The following COG5 variants were observed in gnomAD, a reference collection of about 807,000 sequenced individuals.
The protein encoded by COG5 is conserved oligomeric Golgi complex subunit 5.
A neutral mutation model predicts 110.4 loss-of-function variants in COG5; 86 were observed. The ratio of observed to expected loss-of-function variants is 0.78; its 90% CI spans 0.65 to 0.93. The LOEUF is 0.93. COG5 is among the 40% of genes least tolerant of loss of function. The probability of loss-of-function intolerance (pLI) is 0.00; values close to 1 mark genes in which losing one functional copy is unlikely to be tolerated. For missense variants in COG5, 1,077 were observed against 987.0 expected, an observed-to-expected ratio of 1.09 and a Z score of -1.22; for synonymous variants, 360 against 334.6, an observed-to-expected ratio of 1.08 and a Z score of -0.83.
Position 107,415,899 on chromosome 7 carries a change from CACGTATGTATGTAT to C in COG5, c.539-3281_539-3268del, listed in dbSNP as rs1266233473. On this transcript the variant is annotated intron_variant, in intron 6 of 21. Transcript: ENST00000297135. ...ATGTGTGTGTATATACACACACATA[CACGTATGTATGTAT>C]GTGTGTGTATATACACACACATACA... Among the ~76,000 whole-genome samples, 2 of 116,284 alleles carry C rather than the reference CACGTATGTATGTAT, an allele frequency of 1.7e-5. 1 individual carries two copies. The highest frequency in any genetic ancestry group is 5.5e-4 in the East Asian group (2 of 3,638). 76.3% of individuals were successfully genotyped at this position (116,284 alleles called of 152,430 possible).
chr7:107,558,013 T>C lies in COG5; in HGVS notation c.197A>G (p.Gln66Arg). Residue 66 changes from glutamine (Q) to arginine (R), a missense_variant, in exon 2 of 22, where the codon CAA becomes CGA. Physicochemically the swap from Gln to Arg is conservative, Grantham distance 43. Coordinates refer to ENST00000297135, the MANE Select transcript of COG5 (RefSeq NM_006348.5). Reference sequence around the variant, plus strand: ...TTCTCTGTCCAACTGACTGATTCCTTGGGCAAGTTTTGCTAGTTGTTCAGC... The same window carrying C: ...TTCTCTGTCCAACTGACTGATTCCTCGGGCAAGTTTTGCTAGTTGTTCAGC... ...VIAEQLAKLA[Q>R]GISQLDRELH... 2 of 1,613,752 alleles carry C rather than the reference T, an allele frequency of 1.2e-6. No homozygotes were observed. Among genetic ancestry groups the C allele is most frequent in the Non-Finnish European group, 1.7e-6 (2 of 1,179,924 alleles).
chr7:107,548,159 T>G lies in COG5; in HGVS notation c.369A>C (p.Glu123Asp). The G allele has an allele frequency of 6.2e-7, 1 of 1,613,888 alleles. No homozygotes were observed. Among genetic ancestry groups the G allele is most frequent in the South Asian group, 1.1e-5 (1 of 91,072 alleles). The stretch of plus-strand genomic sequence containing the variant: ...TCCGGGCAACTATCTTATTGTATGG[T>G]TCAACAATTTTTGCTTTTATCCTAC... Reference protein sequence around the residue: ...AVDRIKAKIVEPYNKIVARTA... With the variant: ...AVDRIKAKIVDPYNKIVARTA... The change falls in exon 5 of 22, where the codon GAA becomes GAC. Residue 123 changes from glutamate (E) to aspartate (D), a missense_variant. Glu to Asp is a conservative substitution (Grantham distance 45). Coordinates refer to ENST00000297135, the MANE Select transcript of COG5 (RefSeq NM_006348.5).
chr7:107,313,024 T>C (rs1284184857), intron 11 of COG5, among the ~76,000 whole-genome samples: 1 of 152,130 alleles, frequency 6.6e-6, no homozygotes, highest in African/African-American at 2.4e-5. Flanking sequence ...TTTCTTCCCA[T>C]TTGTGAGGCT....
At chr7:107,235,035 A>C (rs1449448610) in intron 18 of COG5, among the ~76,000 whole-genome samples, 1 of 152,228 alleles carries the variant, frequency 6.6e-6, no homozygotes, top group Non-Finnish European at 1.5e-5. Context: ...CATATTTTCC[A>C]AATGAAGGCT....
chr7:107,459,799 G>A (rs201621201), intron 6 of COG5, among the ~76,000 whole-genome samples: 1 of 145,126 alleles, frequency 6.9e-6, no homozygotes, highest in African/African-American at 2.6e-5. Context: ...CTGGCTCAGG[G>A]AAAAAAAAAA....
chr7:107,259,229 T>TG, intron 14 of COG5, among the ~76,000 whole-genome samples: 1 of 152,292 alleles, frequency 6.6e-6, no homozygotes, highest in South Asian at 2.1e-4. Context: ...AAATTAAACT[T>TG]GATCAGGACA....
chr7:107,208,107 T>A, intron 21 of COG5: 2 of 985,414 alleles, frequency 2.0e-6, no homozygotes, highest in Non-Finnish European at 2.4e-6. Context: ...AGAAAGAACA[T>A]TCTCTAGGAC....
At chr7:107,416,191 T>C (rs967936210) in intron 6 of COG5, among the ~76,000 whole-genome samples, 3 of 151,814 alleles carry the variant, frequency 2.0e-5, no homozygotes, top group Non-Finnish European at 4.4e-5. Flanking sequence ...TCAGAAGACA[T>C]GTACAAGAAT....
chr7:107,458,692 T>C (rs151091827), intron 6 of COG5, among the ~76,000 whole-genome samples: 10 of 152,214 alleles, frequency 6.6e-5, no homozygotes, highest in Admixed American at 2.0e-4. Flanking sequence ...ATTCCATCTC[T>C]ACAAAAATAC....
intron 10 of COG5, among the ~76,000 whole-genome samples, chr7:107,347,576 GAGGATAGTGA>G (rs1407219771): frequency 4.0e-4 from 61 of 152,256 alleles, no homozygotes; most frequent in Non-Finnish European, 4.4e-5. Context: ...TAGCTAGAAG[GAGGATAGTGA>G]ATGTTCCCAA....
chr7:107,530,323 C>G (rs1468607079), intron 5 of COG5, among the ~76,000 whole-genome samples: 2 of 152,066 alleles, frequency 1.3e-5, no homozygotes, highest in African/African-American at 2.4e-5. Flanking sequence ...GTTTTTGGGC[C>G]GGACGCAGTG....
At chr7:107,357,482 T>C (rs988030525) in intron 10 of COG5, among the ~76,000 whole-genome samples, 1 of 152,190 alleles carries the variant, frequency 6.6e-6, no homozygotes, top group Non-Finnish European at 1.5e-5. Context: ...GGTATGTGTG[T>C]GTGGCATAGG....
chr7:107,299,608 T>G (rs996234264), intron 11 of COG5, among the ~76,000 whole-genome samples: 4 of 151,610 alleles, frequency 2.6e-5, no homozygotes, highest in African/African-American at 4.8e-5. Flanking sequence ...AAGAAAGAAA[T>G]AAAAGCAATT....
Position 107,474,146 on chromosome 7 carries a change from A to G in COG5, c.538+53091T>C, listed in dbSNP as rs1266116047. ...GATGACATTGATGACATCAACACCA[A>G]TATGTACCAACCACTATCATATCCG... On this transcript the variant is annotated intron_variant, in intron 6 of 21. Coordinates refer to ENST00000297135, the MANE Select transcript of COG5 (RefSeq NM_006348.5). This position sits in a 1 kb window ranked among gnomAD's most constrained non-coding sequence, Gnocchi z 5.7. 2 of 1,609,896 alleles carry G rather than the reference A, an allele frequency of 1.2e-6. No individual in the cohort carries two copies. Among genetic ancestry groups the G allele is most frequent in the Admixed American group, 1.7e-5 (1 of 59,908 alleles).
Position 107,201,441 on chromosome 7 carries a change from C to A in COG5, c.*2075G>T. 1 of 1,556,780 alleles carries A rather than the reference C, an allele frequency of 6.4e-7. No individual in the cohort carries two copies. ...CTCACAACAACATTAAACCAGGATG[C>A]TTATGTTCTTAAGTCTATATTTGCA... On this transcript the variant is annotated 3_prime_UTR_variant, in exon 22 of 22. Transcript: ENST00000297135.
At position 107,356,416 on chromosome 7, in the gene COG5, T is replaced by C. The variant is rs908369704; in HGVS notation, c.1026+5617A>G. On this transcript the variant is annotated intron_variant, in intron 10 of 21. Coordinates refer to ENST00000297135, the MANE Select transcript of COG5 (RefSeq NM_006348.5). ...GTACAGACTACTGCTTGTACAAATTTCAGCCAAGTGTGGTGGTGCAAACCT... is the reference window on the plus strand; with the variant it reads ...GTACAGACTACTGCTTGTACAAATTCCAGCCAAGTGTGGTGGTGCAAACCT... Among the ~76,000 whole-genome samples the C allele has an allele frequency of 2.6e-5, 4 of 152,340 alleles. No individual in the cohort carries two copies. The South Asian group carries it at 8.3e-4, about 32-fold the overall frequency.
At chr7:107,295,606 T>G (rs1313389708) in intron 12 of COG5, among the ~76,000 whole-genome samples, 1 of 152,132 alleles carries the variant, frequency 6.6e-6, no homozygotes. Context: ...AACTCAACTC[T>G]TCCTTGTTTG....
chr7:107,467,930 A>G (rs73417464), intron 6 of COG5, among the ~76,000 whole-genome samples: 6,551 of 152,304 alleles, frequency 0.043, 485 homozygotes, highest in African/African-American at 0.14. Flanking sequence ...ATTATGGCTC[A>G]GAAACCCCAG....
chr7:107,502,794 T>G (rs1012941939), intron 6 of COG5, among the ~76,000 whole-genome samples: 2 of 152,152 alleles, frequency 1.3e-5, no homozygotes, highest in African/African-American at 4.8e-5. Context: ...CATATGTTTC[T>G]CGACCATTTG....
Sources: allele counts gnomAD v4.1 joint callset (sites outside exome capture counted in the v4.1 genomes callset), GRCh38; gene constraint gnomAD v4.1.1; non-coding constraint Gnocchi (gnomAD v3.1); transcripts MANE v1.5; gene names NCBI Gene and HGNC (gene_info 2026-07-23, HGNC 2026-07-21).